C1orf52: variants seen among roughly 807,000 people sequenced by gnomAD.
C1orf52 encodes the protein chromosome 1 open reading frame 52.
C1orf52 carries 5 observed loss-of-function variants against 17.2 expected under a neutral mutation model. That is an observed-to-expected ratio of 0.29 (90% CI 0.15 to 0.61). The LOEUF is 0.61. C1orf52 is among the 20% of genes least tolerant of loss of function. The pLI, the probability that C1orf52 is intolerant of heterozygous loss-of-function variation, is 0.85. For missense variants in C1orf52, 245 were observed against 234.1 expected (o/e 1.05, Z -0.30); for synonymous variants, 110 against 88.0 (o/e 1.25, Z -1.40).
intron 2 of C1orf52, among the ~76,000 whole-genome samples, chr1:85,258,045 G>C (rs1659989874): frequency 6.6e-6 from 1 of 151,984 alleles, no homozygotes; most frequent in East Asian, 1.9e-4. Flanking sequence ...CTTGAACCTG[G>C]GAGGTGGAGG....
intron 2 of C1orf52, among the ~76,000 whole-genome samples, chr1:85,255,437 C>A (rs916801171): frequency 6.6e-6 from 1 of 151,928 alleles, no homozygotes; most frequent in Non-Finnish European, 1.5e-5. Flanking sequence ...GTAGTCCCAG[C>A]TACTTGGCAG....
intron 2 of C1orf52, among the ~76,000 whole-genome samples, chr1:85,254,872 A>G (rs1341185404): frequency 6.6e-6 from 1 of 152,248 alleles, no homozygotes; most frequent in African/African-American, 2.4e-5. Flanking sequence ...AATTAACTGA[A>G]TAACAAAACC....
chr1:85,258,553 A>G lies in C1orf52; in HGVS notation c.446T>C (p.Leu149Pro), dbSNP rs749326230. The change falls in exon 2 of 3, where the codon CTA (leucine) becomes CCA (proline). Residue 149 changes from leucine (L) to proline (P), a missense_variant. Physicochemically the swap from Leu to Pro is moderately conservative, Grantham distance 98. Coordinates refer to ENST00000471115, the MANE Select transcript of C1orf52 (RefSeq NM_198077.4). ...TTCCAACGTCTCCTCCCCTTCTGGT[A>G]GAAGCCTAGCTTTCTTAGCATTCTG... ...APQNAKKARL[L>P]PEGEETLESD... 6.2e-7 allele frequency: 1 copy of G among 1,614,134 alleles called. No individual in the cohort carries two copies. Among genetic ancestry groups the G allele is most frequent in the East Asian group, 2.2e-5 (1 of 44,884 alleles).
rs1479024781 is a variant in C1orf52, at chr1:85,259,497, CCCG to C, written c.134_136del (p.Ala45del). The C allele has an allele frequency of 6.2e-7, 1 of 1,613,800 alleles. No individual in the cohort carries two copies. Among genetic ancestry groups the C allele is most frequent in the African/African-American group, 1.3e-5 (1 of 74,916 alleles). ...CTTCTCCGCCTTGTTCCTACAGCCG[CCCG>C]CCGACTTCGCCGGATCCGGGGTTCT... On this transcript the variant is annotated inframe_deletion, in exon 1 of 3. Transcript: ENST00000471115.
At position 85,252,496 on chromosome 1, in the gene C1orf52, A is replaced by G; in HGVS notation, c.*133T>C. ...AGAATTCTATAGTGGAAAGTTCTTG[A>G]GGCAATACTTATTAGTTCATTAACG... On this transcript the variant is annotated 3_prime_UTR_variant, in exon 3 of 3. Coordinates refer to ENST00000471115, the MANE Select transcript of C1orf52 (RefSeq NM_198077.4). The G allele has an allele frequency of 2.9e-6, 2 of 692,800 alleles. No homozygotes were observed. The highest frequency in any genetic ancestry group is 5.0e-6 in the Non-Finnish European group (2 of 403,860). 42.9% of individuals were successfully genotyped at this position (692,800 alleles called of 1,614,324 possible). A position where few individuals can be genotyped will look rare whatever the true frequency, so the allele number is the denominator to read the frequency against.
chr1:85,257,476 A>G, intron 2 of C1orf52: 1 of 717,312 alleles, frequency 1.4e-6, no homozygotes, highest in Non-Finnish European at 2.6e-6. Flanking sequence ...CAAGTGCTAG[A>G]AAGGGGCCAT....
intron 1 of C1orf52, 35 bp downstream of exon 1, chr1:85,259,317 AGGCCGG>A (rs1299302301): frequency 2.0e-5 from 32 of 1,591,648 alleles, no homozygotes; most frequent in Non-Finnish European, 2.6e-5. Flanking sequence ...AAGGGGGCGC[AGGCCGG>A]GGCCGAGACC....
intron 2 of C1orf52, among the ~76,000 whole-genome samples, chr1:85,257,842 C>A (rs907488426): frequency 6.6e-6 from 1 of 152,198 alleles, no homozygotes; most frequent in African/African-American, 2.4e-5. Flanking sequence ...CGGTGGCTCA[C>A]GCCTGTAAAT....
chr1:85,257,808 G>GA (rs1459080051), intron 2 of C1orf52, among the ~76,000 whole-genome samples: 4 of 152,136 alleles, frequency 2.6e-5, no homozygotes, highest in African/African-American at 9.7e-5. Flanking sequence ...TGCTTTAATA[G>GA]AAAATGAAGC....
intron 2 of C1orf52, among the ~76,000 whole-genome samples, chr1:85,258,162 AAATT>A (rs1460788671): frequency 6.6e-6 from 1 of 152,096 alleles, no homozygotes; most frequent in African/African-American, 2.4e-5. Flanking sequence ...AAAAAAAAGA[AAATT>A]AAGCCTTCAG....
At chr1:85,255,749 T>G (rs1023828448) in intron 2 of C1orf52, among the ~76,000 whole-genome samples, 2 of 151,974 alleles carry the variant, frequency 1.3e-5, no homozygotes, top group Admixed American at 6.6e-5. Flanking sequence ...TGATATATAT[T>G]TTATGAATGA....
chr1:85,259,188 G>C, intron 1 of C1orf52, 170 bp downstream of exon 1: 1 of 1,127,226 alleles, frequency 8.9e-7, no homozygotes, highest in Non-Finnish European at 1.2e-6. Flanking sequence ...CACCCACCAG[G>C]CGGGGAGAGG....
At chr1:85,258,101 C>G (rs184571824) in intron 2 of C1orf52, among the ~76,000 whole-genome samples, 172 of 142,052 alleles carry the variant, frequency 1.2e-3, no homozygotes, top group African/African-American at 4.4e-3. Flanking sequence ...GCCTGGGCAA[C>G]AAGAGCGAAA....
rs1234702416 is a variant in C1orf52, at chr1:85,259,448, C to G, written c.186G>C (p.Leu62=). ...AGGCCGGGCGAGTCACGCTCCTAAA[C>G]AGCTCGTCAGGTCCCGGGAGCCGCT... The part of the protein sequence containing the change: ...AEKRLPGPDE[L]FRSVTRPAFL... The change falls in exon 1 of 3, where the codon CTG becomes CTC. Residue 62 remains leucine, a synonymous_variant. Transcript: ENST00000471115. 6.2e-7 allele frequency: 1 copy of G among 1,614,062 alleles called. No homozygotes were observed. Among genetic ancestry groups the G allele is most frequent in the Non-Finnish European group, 8.5e-7 (1 of 1,180,010 alleles).
At chr1:85,253,732 G>C (rs1327959197) in intron 2 of C1orf52, among the ~76,000 whole-genome samples, 1 of 151,512 alleles carries the variant, frequency 6.6e-6, no homozygotes, top group Non-Finnish European at 1.5e-5. Context: ...CTGGAAAAGT[G>C]AACTCTTTTA....
At chr1:85,255,085 G>A (rs998518700) in intron 2 of C1orf52, among the ~76,000 whole-genome samples, 4 of 151,948 alleles carry the variant, frequency 2.6e-5, no homozygotes, top group Non-Finnish European at 5.9e-5. Flanking sequence ...TTTTTATTAT[G>A]GAACTCAAAT....
rs1208748645 is a variant in C1orf52 at position 85,259,578 on chromosome 1, C to T, written c.56G>A (p.Ser19Asn). The T allele has an allele frequency of 6.2e-7, 1 of 1,605,380 alleles. No individual in the cohort carries two copies. The highest frequency in any genetic ancestry group is 1.3e-5 in the African/African-American group (1 of 74,788). ...LSYFAAYGSS[S>N]SGSSDEEDNI... The stretch of plus-strand genomic sequence containing the variant: ...ATCCTCCTCGTCCGAGGAGCCTGAG[C>T]TGCTGCTCCCGTATGCCGCAAAATA... The change falls in exon 1 of 3, where the codon AGC (serine) becomes AAC (asparagine). Residue 19 changes from serine to asparagine, a missense_variant. Physicochemically the swap from Ser to Asn is conservative, Grantham distance 46. Transcript: ENST00000471115.
intron 2 of C1orf52, among the ~76,000 whole-genome samples, chr1:85,254,171 ATTCATCTTCACTCCCC>A (rs1407608050): frequency 6.6e-6 from 1 of 152,154 alleles, no homozygotes. Context: ...AATCAATACC[ATTCATCTTCACTCCCC>A]TTCAAGCACA....
rs1659789840 is a variant in C1orf52 at position 85,251,063 on chromosome 1, G to A, written c.*1566C>T. ...GGACCTTCATTCCACAAAGCACCAT[G>A]GCTGATGCAATCACTCTTAATGACT... On this transcript the variant is annotated 3_prime_UTR_variant, in exon 3 of 3. Transcript: ENST00000471115. 1 of 152,098 alleles carries A rather than the reference G, an allele frequency of 6.6e-6. No individual in the cohort carries two copies. The highest frequency in any genetic ancestry group is 2.4e-5 in the African/African-American group (1 of 41,404). The allele number at this position is 152,098 out of a possible 1,614,324, so 9.4% of individuals were successfully genotyped here.
Sources: allele counts gnomAD v4.1 joint callset (sites outside exome capture counted in the v4.1 genomes callset), GRCh38; gene constraint gnomAD v4.1.1; transcripts MANE v1.5; gene names NCBI Gene and HGNC (gene_info 2026-07-23, HGNC 2026-07-21).